Variants in LARP1 observed in about 807,000 individuals in gnomAD.
LARP1 encodes La ribonucleoprotein 1, translational regulator.
Under a neutral mutation model 122.7 loss-of-function variants are expected in LARP1, and 36 were observed. The ratio of observed to expected loss-of-function variants is 0.29; its 90% CI spans 0.22 to 0.39. The LOEUF is 0.39. Ranked by LOEUF, LARP1 falls within the 10% of genes least tolerant of loss-of-function variation. The probability of loss-of-function intolerance (pLI) is 1.00; values close to 1 mark genes in which losing one functional copy is unlikely to be tolerated. For synonymous variants in LARP1, 539 were observed against 528.7 expected (o/e 1.02, Z -0.27); for missense variants, 1,040 against 1,403.6 (o/e 0.74, Z 4.14).
chr5:154,812,133 T>C (rs1759324166), intron 18 of LARP1, among the ~76,000 whole-genome samples: 1 of 152,214 alleles, frequency 6.6e-6, no homozygotes, highest in Non-Finnish European at 1.5e-5. Context: ...ATTCAGCAGA[T>C]ACTGATTGGA....
Position 154,814,083 on chromosome 5 carries a change from C to T in LARP1, c.3278C>T (p.Thr1093Ile), listed in dbSNP as rs753422002. ...ACAAGCCAGCACTCGAACACACAGA[C>T]TTTGGGAAAGTGAAAAGCTCCTTAG... The part of the protein sequence containing the change: ...KWTSQHSNTQ[T>I]LGK Residue 1093 changes from threonine to isoleucine, a missense_variant, in exon 19 of 19, where the codon ACT becomes ATT. By Grantham distance (89) the Thr-to-Ile change is moderately conservative. Transcript: ENST00000518297. 43 of 1,613,922 alleles carry T rather than the reference C, an allele frequency of 2.7e-5. 1 individual carries two copies. The South Asian group carries it at 4.3e-4, about 16-fold the overall frequency.
intron 1 of LARP1, among the ~76,000 whole-genome samples, chr5:154,689,477 T>C (rs6580101): frequency 0.67 from 100,516 of 150,758 alleles, 33,692 homozygotes; most frequent in Non-Finnish European, 0.7. Context: ...AAAAATAATC[T>C]GGCGAGGTGG....
At chr5:154,748,728 G>C (rs1753332724) in intron 1 of LARP1, among the ~76,000 whole-genome samples, 2 of 152,178 alleles carry the variant, frequency 1.3e-5, no homozygotes. Flanking sequence ...AGCTCTATGA[G>C]ATAAGTAGAA....
At chr5:154,712,911 G>C (rs1428791169) in exon 1 of LARP1, 1 of 1,613,414 alleles carries the variant, frequency 6.2e-7, no homozygotes, top group Admixed American at 1.7e-5. Context: ...AGTGACCCCA[G>C]GCCCTGGTCA....
At chr5:154,719,297 C>A (rs549649575) in intron 1 of LARP1, among the ~76,000 whole-genome samples, 2 of 152,148 alleles carry the variant, frequency 1.3e-5, no homozygotes, top group African/African-American at 4.8e-5. Context: ...GCCCTACATA[C>A]CCTCTTTTGG....
chr5:154,804,183 C>T lies in LARP1; in HGVS notation c.2440-18C>T, dbSNP rs780162891. 3 of 1,602,082 alleles carry T rather than the reference C, an allele frequency of 1.9e-6. No individual in the cohort carries two copies. Among genetic ancestry groups the T allele is most frequent in the Non-Finnish European group, 2.6e-6 (3 of 1,169,202 alleles). On this transcript the variant is annotated intron_variant, in intron 13 of 18. Transcript: ENST00000518297. Reference sequence around the variant, plus strand: ...GTAGGAGTACAAACAGTAACAAACCCTGGGCTAACCTTTGCAGATGCCTCG... The same window carrying T: ...GTAGGAGTACAAACAGTAACAAACCTTGGGCTAACCTTTGCAGATGCCTCG...
intron 1 of LARP1, among the ~76,000 whole-genome samples, chr5:154,691,982 G>T (rs915604166): frequency 1.3e-5 from 2 of 152,132 alleles, no homozygotes; most frequent in African/African-American, 2.4e-5. Flanking sequence ...CAGAGACGGG[G>T]TTTCACCATT....
At chr5:154,790,490 G>T in intron 2 of LARP1, 104 bp downstream of exon 2, 3 of 1,308,480 alleles carry the variant, frequency 2.3e-6, no homozygotes, top group Non-Finnish European at 3.3e-6. Context: ...TGGATTGTCT[G>T]TGAATTGCAG....
intron 1 of LARP1, among the ~76,000 whole-genome samples, chr5:154,767,661 C>G (rs1755065040): frequency 6.6e-6 from 1 of 152,230 alleles, no homozygotes. Context: ...CTCTCCCACT[C>G]TCTTTCATGG....
intron 1 of LARP1, among the ~76,000 whole-genome samples, chr5:154,714,392 A>G (rs1302219894): frequency 1.3e-5 from 2 of 152,208 alleles, no homozygotes; most frequent in Admixed American, 6.5e-5. Context: ...GACTTTTTGA[A>G]ATGTACAATC....
chr5:154,809,287 C>A (rs187772261), intron 16 of LARP1, among the ~76,000 whole-genome samples: 1 of 150,336 alleles, frequency 6.7e-6, no homozygotes, highest in East Asian at 2.0e-4. Context: ...CTCAAGCGAT[C>A]GTTCTGCCAT....
intron 1 of LARP1, among the ~76,000 whole-genome samples, chr5:154,771,764 G>C (rs1561586644): frequency 6.6e-6 from 1 of 152,156 alleles, no homozygotes; most frequent in African/African-American, 2.4e-5. Context: ...TATTCCCCTA[G>C]AGATGTTCCT....
At chr5:154,683,952 C>G (rs1264511355) in intron 1 of LARP1, among the ~76,000 whole-genome samples, 1 of 152,056 alleles carries the variant, frequency 6.6e-6, no homozygotes, top group Non-Finnish European at 1.5e-5. Context: ...AAATAGATGA[C>G]AAAACTAGGG....
chr5:154,795,577 T>C (rs1216916055), intron 8 of LARP1, among the ~76,000 whole-genome samples: 1 of 152,046 alleles, frequency 6.6e-6, no homozygotes, highest in Non-Finnish European at 1.5e-5. Context: ...TATCAGTTTA[T>C]GGCTAATCTT....
chr5:154,790,797 T>TCC (rs1757277220), intron 3 of LARP1, 87 bp downstream of exon 3: 1 of 1,160,852 alleles, frequency 8.6e-7, no homozygotes, highest in African/African-American at 1.5e-5. Context: ...GCCTCAGCTC[T>TCC]TACCTTTCTC....
At chr5:154,776,123 G>A (rs539131357) in intron 1 of LARP1, among the ~76,000 whole-genome samples, 2 of 152,248 alleles carry the variant, frequency 1.3e-5, no homozygotes, top group Admixed American at 6.5e-5. Flanking sequence ...CAGCCTAGGC[G>A]GCATAGCAAG....
chr5:154,777,520 CAAA>C (rs1347710535), intron 1 of LARP1, among the ~76,000 whole-genome samples: 2 of 151,814 alleles, frequency 1.3e-5, no homozygotes, highest in African/African-American at 4.8e-5. Context: ...GACTCTGTAT[CAAA>C]AAGAAAAAGT....
At chr5:154,793,039 C>G (rs1757460202) in intron 4 of LARP1, among the ~76,000 whole-genome samples, 1 of 152,188 alleles carries the variant, frequency 6.6e-6, no homozygotes, top group Admixed American at 6.5e-5. Context: ...ATGGTTTAAA[C>G]AAGATAAAAC....
chr5:154,743,140 G>A (rs1752995617), intron 1 of LARP1, among the ~76,000 whole-genome samples: 4 of 152,048 alleles, frequency 2.6e-5, no homozygotes, highest in Admixed American at 2.0e-4. Context: ...CTACATCTTG[G>A]TGTATATTAA....
Sources: gnomAD v4.1 joint callset for allele counts (sites outside exome capture counted in the v4.1 genomes callset) on GRCh38, gnomAD v4.1.1 for gene constraint, MANE v1.5 for transcripts, NCBI Gene and HGNC (gene_info 2026-07-23, HGNC 2026-07-21) for gene names.